The following RHOT2 variants were observed in gnomAD, a reference collection of about 807,000 sequenced individuals.
RHOT2 encodes the protein mitochondrial Rho GTPase 2.
RHOT2 carries 90 observed loss-of-function variants against 81.6 expected under a neutral mutation model. The observed-to-expected ratio is 1.10, with a 90% confidence interval of 0.93 to 1.31. The LOEUF is 1.31. Ranked by LOEUF, RHOT2 falls within the 40% of genes most tolerant of loss-of-function variation. The probability of loss-of-function intolerance (pLI) is 0.00; values close to 1 mark genes in which losing one functional copy is unlikely to be tolerated. For synonymous variants in RHOT2, 512 were observed against 370.9 expected, an observed-to-expected ratio of 1.38 and a Z score of -4.37; for missense variants, 1,014 against 841.9, an observed-to-expected ratio of 1.20 and a Z score of -2.53.
In RHOT2 at chr16:669,493, C is replaced by T. The variant is rs2038534897; in HGVS notation, c.223-60C>T. ...GAGCCTCGAGATGGCGTGGAACGGC[C>T]AGGGTCGTCGGTGGTGAGCCAGCAG... is the stretch of plus-strand genomic sequence containing the variant. On this transcript the variant is annotated intron_variant, in intron 4 of 18. Transcript: ENST00000315082. The T allele has an allele frequency of 3.2e-6, 5 of 1,571,154 alleles. No homozygotes were observed. In the South Asian group the frequency reaches 3.4e-5, roughly 11 times the overall value.
At chr16:670,865 C>A in intron 9 of RHOT2, 27 bp from the exon 10 acceptor site, 1 of 1,586,592 alleles carries the variant, frequency 6.3e-7, no homozygotes, top group Non-Finnish European at 8.6e-7. Flanking sequence ...GGCTGGCTGA[C>A]TCCCAACAAC....
chr16:670,681 C>T lies in RHOT2; in HGVS notation c.547C>T (p.Pro183Ser), dbSNP rs1299612858. Residue 183 changes from proline (P) to serine (S), a missense_variant, in exon 9 of 19, where the codon CCC becomes TCC. Coordinates refer to ENST00000315082, the MANE Select transcript of RHOT2 (RefSeq NM_138769.3). ...TGAGCCAACATCCCCACAGTTGAGG[C>T]CCGCGTGCGCCCAGGCGCTGACGCG... is the stretch of plus-strand genomic sequence containing the variant. ...LYDPEAKQLRPACAQALTRIF... is the reference protein window; with the variant it reads ...LYDPEAKQLRSACAQALTRIF... 8 of 1,612,052 alleles carry T rather than the reference C, an allele frequency of 5.0e-6. No homozygotes were observed. Among genetic ancestry groups the T allele is most frequent in the East Asian group, 2.2e-5 (1 of 44,888 alleles).
In RHOT2 at chr16:672,345, G is replaced by T. The variant is rs775816296; in HGVS notation, c.1287G>T (p.Lys429Asn). The T allele has an allele frequency of 6.2e-7, 1 of 1,611,914 alleles. No homozygotes were observed. The highest frequency in any genetic ancestry group is 1.1e-5 in the South Asian group (1 of 91,010). Reference sequence around the variant, plus strand: ...TGGTAGGGGCCCGTGGAGTGGGCAAGTCTGCCTTCCTGCAGGCCTTTCTCG... The same window carrying T: ...TGGTAGGGGCCCGTGGAGTGGGCAATTCTGCCTTCCTGCAGGCCTTTCTCG... ...CKVVGARGVGKSAFLQAFLGR... is the reference protein window; with the variant it reads ...CKVVGARGVGNSAFLQAFLGR... Residue 429 changes from lysine (K) to asparagine (N), a missense_variant, in exon 15 of 19, where the codon AAG becomes AAT. Physicochemically the swap from Lys to Asn is moderately conservative, Grantham distance 94. Coordinates refer to ENST00000315082, the MANE Select transcript of RHOT2 (RefSeq NM_138769.3).
At chr16:671,321 T>C (rs2151472248) in intron 11 of RHOT2, 118 bp downstream of exon 11, 3 of 1,413,338 alleles carry the variant, frequency 2.1e-6, no homozygotes, top group East Asian at 2.4e-5. Flanking sequence ...TGAGGGTCAG[T>C]GAAGGTCTCG....
intron 4 of RHOT2, 31 bp from the exon 5 acceptor site, chr16:669,522 T>C (rs1170001395): frequency 3.1e-6 from 5 of 1,608,550 alleles, no homozygotes; most frequent in African/African-American, 1.3e-5. Context: ...CCAGCAGCCC[T>C]GTCACCCACA....
At chr16:668,288 AGGGTCTC>A (rs2038253342) in intron 1 of RHOT2, 52 bp downstream of exon 1, 3 of 1,148,076 alleles carry the variant, frequency 2.6e-6, no homozygotes, top group Admixed American at 4.2e-5. Context: ...AGGCGGGGTG[AGGGTCTC>A]GGGGGTCGGG....
chr16:671,325 G>T, intron 11 of RHOT2, 122 bp downstream of exon 11: 2 of 1,404,382 alleles, frequency 1.4e-6, no homozygotes, highest in Non-Finnish European at 1.9e-6. Flanking sequence ...GGTCAGTGAA[G>T]GTCTCGCTCA....
At position 670,533 on chromosome 16, in the gene RHOT2, C is replaced by A. The variant is rs144553369; in HGVS notation, c.516C>A (p.Pro172=). 6.8e-6 allele frequency: 11 copies of A among 1,607,304 alleles called. No individual in the cohort carries two copies. The highest frequency in any genetic ancestry group is 1.7e-4 in the Middle Eastern group (1 of 6,026). Residue 172 remains proline (P), a synonymous_variant, in exon 8 of 19, where the codon CCC becomes CCA. Coordinates refer to ENST00000315082, the MANE Select transcript of RHOT2 (RefSeq NM_138769.3). ...AGGCCGTCCTGCATCCCACAGCCCC[C>A]CTCTATGACCCTGAGGCCAAGCAGG... ...AQKAVLHPTA[P]LYDPEAKQLR...
chr16:670,489 C>A lies in RHOT2; in HGVS notation c.472C>A (p.Leu158Met). The A allele has an allele frequency of 6.2e-7, 1 of 1,608,330 alleles. No homozygotes were observed. The highest frequency in any genetic ancestry group is 2.2e-5 in the East Asian group (1 of 44,874). Residue 158 changes from leucine to methionine, a missense_variant, in exon 8 of 19, where the codon CTG (leucine) becomes ATG (methionine). Coordinates refer to ENST00000315082, the MANE Select transcript of RHOT2 (RefSeq NM_138769.3). ...SAKNLRNISE[L>M]FYYAQKAVLH... ...CAAGAACCTGAGGAACATCTCAGAGCTGTTCTACTACGCCCAGAAGGCCGT... is the reference window on the plus strand; with the variant it reads ...CAAGAACCTGAGGAACATCTCAGAGATGTTCTACTACGCCCAGAAGGCCGT...
At chr16:669,980 C>A in intron 5 of RHOT2, 143 bp from the exon 6 acceptor site, 1 of 725,926 alleles carries the variant, frequency 1.4e-6, no homozygotes, top group Non-Finnish European at 2.2e-6. Context: ...CTTCTCCCAC[C>A]AGCTTTGTTC....
chr16:672,968 C>G lies in RHOT2; in HGVS notation c.1568C>G (p.Ser523Cys). The G allele has an allele frequency of 6.2e-7, 1 of 1,612,828 alleles. No individual in the cohort carries two copies. The highest frequency in any genetic ancestry group is 8.5e-7 in the Non-Finnish European group (1 of 1,180,006). Residue 523 changes from serine (S) to cysteine (C), a missense_variant, in exon 18 of 19, where the codon TCC becomes TGC. Transcript: ENST00000315082. The part of the protein sequence containing the change: ...MDGQTPCLFV[S>C]SKADLPEGVA... ...GGGCAGACCCCCTGCCTCTTTGTCT[C>G]CTCCAAGGCCGACCTGCCCGAAGGT... is the stretch of plus-strand genomic sequence containing the variant.
At position 670,534 on chromosome 16, in the gene RHOT2, CT is replaced by C; in HGVS notation, c.518del (p.Leu173ProfsTer9). ...QKAVLHPTAP[L>X]YDPEAKQLRP... is the part of the protein sequence containing the mutation. ...GGCCGTCCTGCATCCCACAGCCCCC[CT>C]CTATGACCCTGAGGCCAAGCAGGTG... is the stretch of plus-strand genomic sequence containing the variant. On this transcript the variant is annotated frameshift_variant, in exon 8 of 19. Transcript: ENST00000315082. LOFTEE classifies it high-confidence loss of function. The C allele has an allele frequency of 6.2e-7, 1 of 1,607,534 alleles. No homozygotes were observed.
intron 5 of RHOT2, 85 bp from the exon 6 acceptor site, chr16:670,038 G>A: frequency 6.0e-6 from 8 of 1,333,280 alleles, no homozygotes; most frequent in South Asian, 5.7e-5. Context: ...TCCCCCTTCT[G>A]CTCTCCCCCA....
chr16:670,308 C>T lies in RHOT2; in HGVS notation c.389C>T (p.Ala130Val), dbSNP rs1454102968. Residue 130 changes from alanine (A) to valine (V), a missense_variant, in exon 7 of 19, where the codon GCC (alanine) becomes GTC (valine). Physicochemically the swap from Ala to Val is moderately conservative, Grantham distance 64. Coordinates refer to ENST00000315082, the MANE Select transcript of RHOT2 (RefSeq NM_138769.3). ...CTGCGGTCGGGGAGCTCCATGGAGGCCGTGCTCCCCATCATGAGCCAGTTT... is the reference window on the plus strand; with the variant it reads ...CTGCGGTCGGGGAGCTCCATGGAGGTCGTGCTCCCCATCATGAGCCAGTTT... Reference protein sequence around the residue: ...SDLRSGSSMEAVLPIMSQFPE... With the variant: ...SDLRSGSSMEVVLPIMSQFPE... The T allele has an allele frequency of 1.2e-6, 2 of 1,612,804 alleles. No homozygotes were observed. Among genetic ancestry groups the T allele is most frequent in the Non-Finnish European group, 8.5e-7 (1 of 1,179,956 alleles).
intron 12 of RHOT2, 29 bp downstream of exon 12, chr16:671,810 G>GCCCCTTCCCCCCCCCC: frequency 1.1e-5 from 17 of 1,586,186 alleles, no homozygotes; most frequent in Middle Eastern, 1.7e-4. Context: ...CCCTGCCCCT[G>GCCCCTTCCCCCCCCCC]CCCCCGCCCC....
Position 669,792 on chromosome 16 carries a change from C to T in RHOT2, c.276+186C>T, listed in dbSNP as rs557272275. 5.7e-4 allele frequency: 373 copies of T among 655,342 alleles called. 1 individual carries two copies. The highest frequency in any genetic ancestry group is 5.1e-3 in the African/African-American group (282 of 55,562). 40.6% of individuals were successfully genotyped at this position (655,342 alleles called of 1,614,324 possible). On this transcript the variant is annotated intron_variant, in intron 5 of 18. Transcript: ENST00000315082. ...CCACTTCCCCTGAGAGGGTCTGGGG[C>T]GTCCCGCAGTCTGAGCCATTGAGGC...
intron 5 of RHOT2, 38 bp downstream of exon 5, chr16:669,644 G>A: frequency 6.3e-7 from 1 of 1,596,762 alleles, no homozygotes; most frequent in Non-Finnish European, 8.6e-7. Context: ...CAGAGACACA[G>A]TGGCCGGTGG....
Position 673,665 on chromosome 16 carries a change from G to A in RHOT2, c.*59G>A. 1.3e-6 allele frequency: 2 copies of A among 1,564,114 alleles called. No individual in the cohort carries two copies. The highest frequency in any genetic ancestry group is 1.2e-5 in the South Asian group (1 of 85,252). On this transcript the variant is annotated 3_prime_UTR_variant, in exon 19 of 19. Transcript: ENST00000315082. ...GGGTGTGCCTCGCTGCTGGGGCTCT[G>A]CAGGGGCAGCACAGCTGGGGTGCAG... is the stretch of plus-strand genomic sequence containing the variant.
At position 672,333 on chromosome 16, in the gene RHOT2, T is replaced by G; in HGVS notation, c.1275T>G (p.Arg425=). ...TCCTGTGCAAGGTGGTAGGGGCCCG[T>G]GGAGTGGGCAAGTCTGCCTTCCTGC... ...SVLLCKVVGA[R]GVGKSAFLQA... is the part of the protein sequence containing the mutation. The change falls in exon 15 of 19, where the codon CGT becomes CGG. Residue 425 remains arginine (R), a synonymous_variant. Transcript: ENST00000315082. 1 of 1,612,114 alleles carries G rather than the reference T, an allele frequency of 6.2e-7. No individual in the cohort carries two copies. The highest frequency in any genetic ancestry group is 8.5e-7 in the Non-Finnish European group (1 of 1,179,602).
Sources: allele counts gnomAD v4.1 joint callset, GRCh38; gene constraint gnomAD v4.1.1; transcripts MANE v1.5; gene names NCBI Gene and HGNC (gene_info 2026-07-23, HGNC 2026-07-21).